ROBO1: variants seen among roughly 807,000 people sequenced by gnomAD.
ROBO1 encodes roundabout guidance receptor 1.
In ROBO1, 149 loss-of-function variants were observed where a neutral mutation model predicts 195.9. The observed-to-expected ratio is 0.76, with a 90% confidence interval of 0.67 to 0.87. The LOEUF is 0.87. Ranked by LOEUF, ROBO1 falls within the 40% of genes least tolerant of loss-of-function variation. The probability of loss-of-function intolerance (pLI) is 0.00; values close to 1 mark genes in which losing one functional copy is unlikely to be tolerated. For missense variants in ROBO1, 1,933 were observed against 2,068.3 expected (o/e 0.93, Z 1.27); for synonymous variants, 816 against 733.2 (o/e 1.11, Z -1.82).
chr3:79,077,847 C>T (rs1483493921), intron 3 of ROBO1, among the ~76,000 whole-genome samples: 1 of 151,820 alleles, frequency 6.6e-6, no homozygotes, highest in Non-Finnish European at 1.5e-5. Context: ...TTGTCTTGTG[C>T]TATTTACTTC....
intron 2 of ROBO1, among the ~76,000 whole-genome samples, chr3:79,477,148 G>T (rs977731132): frequency 1.3e-5 from 2 of 152,030 alleles, no homozygotes; most frequent in African/African-American, 4.8e-5. Flanking sequence ...TACTACTGTG[G>T]TTTATTGTTA....
intron 1 of ROBO1, among the ~76,000 whole-genome samples, chr3:79,725,870 T>C (rs192751359): frequency 2.4e-4 from 36 of 151,938 alleles, no homozygotes; most frequent in Admixed American, 3.9e-4. Flanking sequence ...GCCACGTTAG[T>C]CATTAAATAT....
chr3:79,005,871 AGC>A (rs1370643605), intron 3 of ROBO1, among the ~76,000 whole-genome samples: 4 of 152,204 alleles, frequency 2.6e-5, no homozygotes, highest in African/African-American at 7.2e-5. Context: ...ATACTCTATT[AGC>A]AAATAATAAA....
chr3:79,695,674 A>G (rs138271270), intron 1 of ROBO1, among the ~76,000 whole-genome samples: 76 of 151,604 alleles, frequency 5.0e-4, no homozygotes, highest in Admixed American at 2.2e-3. Context: ...GAAGGAATTA[A>G]GAGCCTATTA....
chr3:79,080,128 T>C (rs903742792), intron 3 of ROBO1, among the ~76,000 whole-genome samples: 1 of 151,614 alleles, frequency 6.6e-6, no homozygotes, highest in Non-Finnish European at 1.5e-5. Flanking sequence ...TGTTTAAAAA[T>C]GAAAAATTAA....
intron 2 of ROBO1, among the ~76,000 whole-genome samples, chr3:79,530,077 G>T (rs994913995): frequency 6.6e-6 from 1 of 151,990 alleles, no homozygotes; most frequent in African/African-American, 2.4e-5. Flanking sequence ...AAACTCTCAC[G>T]TTATAATTTG....
chr3:79,685,014 C>G (rs1349808541), intron 1 of ROBO1, among the ~76,000 whole-genome samples: 1 of 152,092 alleles, frequency 6.6e-6, no homozygotes, highest in Non-Finnish European at 1.5e-5. Flanking sequence ...CTCCACCTAA[C>G]AGCCTTCCCA....
rs559120937 is a variant in ROBO1, at chr3:79,327,143, G to A, written c.89-201604C>T. 2.5e-3 allele frequency among the ~76,000 whole-genome samples: 374 copies of A among 151,994 alleles called. 1 individual carries two copies. The highest frequency in any genetic ancestry group is 4.2e-3 in the Non-Finnish European group (282 of 67,936). Reference sequence around the variant, plus strand: ...GGAAGACTTAAGAAAGAAAATTTACGCAAAATAAGAAGCATTTTAGAATTT... The same window carrying A: ...GGAAGACTTAAGAAAGAAAATTTACACAAAATAAGAAGCATTTTAGAATTT... On this transcript the variant is annotated intron_variant, in intron 2 of 30. Transcript: ENST00000464233.
At chr3:79,239,722 T>C (rs1282634707) in intron 2 of ROBO1, among the ~76,000 whole-genome samples, 2 of 152,184 alleles carry the variant, frequency 1.3e-5, no homozygotes, top group Non-Finnish European at 2.9e-5. Flanking sequence ...TATCAATACA[T>C]TGCATTCTCT....
intron 1 of ROBO1, among the ~76,000 whole-genome samples, chr3:79,624,175 C>T (rs1377490892): frequency 6.6e-6 from 1 of 152,088 alleles, no homozygotes; most frequent in African/African-American, 2.4e-5. Context: ...CCAGGCCTAC[C>T]ATGCAAGAGC....
At chr3:79,045,884 G>A (rs1351463819) in intron 3 of ROBO1, among the ~76,000 whole-genome samples, 1 of 151,796 alleles carries the variant, frequency 6.6e-6, no homozygotes, top group Non-Finnish European at 1.5e-5. Flanking sequence ...GAATTTTGAT[G>A]AGGAAAAAGT....
At chr3:79,248,513 G>A (rs192737282) in intron 2 of ROBO1, among the ~76,000 whole-genome samples, 179 of 152,042 alleles carry the variant, frequency 1.2e-3, no homozygotes, top group Non-Finnish European at 2.0e-3. Flanking sequence ...GAATAAATAC[G>A]TGGTGTGGCA....
intron 2 of ROBO1, among the ~76,000 whole-genome samples, chr3:79,268,604 CT>C (rs2030218894): frequency 6.6e-6 from 1 of 151,602 alleles, no homozygotes; most frequent in East Asian, 1.9e-4. Flanking sequence ...AACACACGCT[CT>C]TGTTTTGATT....
intron 8 of ROBO1, among the ~76,000 whole-genome samples, chr3:78,711,348 C>CCT (rs2081697250): frequency 5.5e-5 from 3 of 54,692 alleles, no homozygotes; most frequent in African/African-American, 2.7e-4. Context: ...TCCTTCCTTC[C>CCT]TCCTTCCTTC....
At chr3:79,046,386 G>A (rs952114218) in intron 3 of ROBO1, among the ~76,000 whole-genome samples, 3 of 152,056 alleles carry the variant, frequency 2.0e-5, no homozygotes, top group Admixed American at 6.6e-5. Flanking sequence ...TGAGAGACCC[G>A]GAGTTAAAGG....
At chr3:79,453,204 G>GA (rs2039504197) in intron 2 of ROBO1, among the ~76,000 whole-genome samples, 1 of 152,012 alleles carries the variant, frequency 6.6e-6, no homozygotes, top group Non-Finnish European at 1.5e-5. Context: ...TGCTCTGAGT[G>GA]AAAGTAGATT....
At chr3:79,612,425 A>T (rs1423874481) in intron 1 of ROBO1, among the ~76,000 whole-genome samples, 1 of 151,074 alleles carries the variant, frequency 6.6e-6, no homozygotes, top group African/African-American at 2.4e-5. Context: ...AATCCAGTCT[A>T]TCATTGTTGG....
At chr3:79,713,567 T>A (rs184189864) in intron 1 of ROBO1, among the ~76,000 whole-genome samples, 45 of 152,198 alleles carry the variant, frequency 3.0e-4, no homozygotes, top group Non-Finnish European at 1.0e-4. Context: ...AGAAGTGAAA[T>A]CTATTGCTGT....
intron 1 of ROBO1, among the ~76,000 whole-genome samples, chr3:79,660,187 T>C (rs548714579): frequency 6.6e-6 from 1 of 151,714 alleles, no homozygotes; most frequent in East Asian, 2.0e-4. Context: ...CAAAGAGATG[T>C]GGAAGTAAGC....
Sources: gnomAD v4.1 joint callset for allele counts (sites outside exome capture counted in the v4.1 genomes callset) on GRCh38, gnomAD v4.1.1 for gene constraint, MANE v1.5 for transcripts, NCBI Gene and HGNC (gene_info 2026-07-23, HGNC 2026-07-21) for gene names.